Variants in PARD3B observed in about 807,000 individuals in gnomAD.
PARD3B encodes par-3 family cell polarity regulator beta.
Under a neutral mutation model 130.2 loss-of-function variants are expected in PARD3B, and 103 were observed. That is an observed-to-expected ratio of 0.79 (90% confidence interval 0.67 to 0.93). PARD3B has a LOEUF of 0.93. PARD3B is among the 40% of genes least tolerant of loss of function. The pLI, the probability that PARD3B is intolerant of heterozygous loss-of-function variation, is 0.00. For synonymous variants in PARD3B, 583 were observed against 553.2 expected (o/e 1.05, Z -0.76); for missense variants, 1,609 against 1,499.2 (o/e 1.07, Z -1.21).
chr2:205,318,214 A>T (rs759934789), intron 18 of PARD3B, among the ~76,000 whole-genome samples: 9 of 152,144 alleles, frequency 5.9e-5, no homozygotes, highest in Non-Finnish European at 1.2e-4. Context: ...TATAGTAAAA[A>T]ATCAATATCA....
rs546903322 is a variant in PARD3B at position 205,149,489 on chromosome 2, G to A, written c.1435-9233G>A. Reference sequence around the variant, plus strand: ...ATCCCACAGAGATCATACTTCCTCTGGAAAATTAGCTGCCATGTAACTAGA... The same window carrying A: ...ATCCCACAGAGATCATACTTCCTCTAGAAAATTAGCTGCCATGTAACTAGA... On this transcript the variant is annotated intron_variant, in intron 10 of 22. Transcript: ENST00000406610. Among the ~76,000 whole-genome samples, 6 of 152,236 alleles carry A rather than the reference G, an allele frequency of 3.9e-5. No individual in the cohort carries two copies. The East Asian group carries it at 1.2e-3, about 29-fold the overall frequency.
rs938112898 is a variant in PARD3B, at chr2:204,934,709, A to G, written c.223-30443A>G. Among the ~76,000 whole-genome samples, 70 of 152,160 alleles carry G rather than the reference A, an allele frequency of 4.6e-4. 5 individuals are homozygous for G. The highest frequency in any genetic ancestry group is 6.5e-5 in the Admixed American group (1 of 15,278). On this transcript the variant is annotated intron_variant, in intron 2 of 22. Coordinates refer to ENST00000406610, the MANE Select transcript of PARD3B (RefSeq NM_001302769.2). Reference sequence around the variant, plus strand: ...CCTTTACACACTAACATGTAAAACTAGATCTCTTGTCTGAACATTCCACAT... The same window carrying G: ...CCTTTACACACTAACATGTAAAACTGGATCTCTTGTCTGAACATTCCACAT...
In PARD3B at chr2:205,463,045, T is replaced by A. The variant is rs1297894450; in HGVS notation, c.3044+22373T>A. Among the ~76,000 whole-genome samples, 1 of 152,136 alleles carries A rather than the reference T, an allele frequency of 6.6e-6. No individual in the cohort carries two copies. The highest frequency in any genetic ancestry group is 2.4e-5 in the African/African-American group (1 of 41,434). ...ATCAGAGTCCTAGTTAGAGAAAAAG[T>A]CATCTCAGCATCAACTGACAATTAT... On this transcript the variant is annotated intron_variant, in intron 20 of 22. Coordinates refer to ENST00000406610, the MANE Select transcript of PARD3B (RefSeq NM_001302769.2). This position sits in a 1 kb window ranked among gnomAD's most constrained non-coding sequence, Gnocchi z 4.8.
At chr2:204,910,725 C>T (rs1357788787) in intron 2 of PARD3B, among the ~76,000 whole-genome samples, 1 of 152,046 alleles carries the variant, frequency 6.6e-6, no homozygotes, top group Non-Finnish European at 1.5e-5. Flanking sequence ...CTGCAAGCTC[C>T]GCCTCTCCCG....
rs888149685 is a variant in PARD3B, at chr2:204,808,065, C to G, written c.222+121783C>G. Among the ~76,000 whole-genome samples the G allele has an allele frequency of 1.1e-4, 17 of 151,988 alleles. No individual in the cohort carries two copies. In the East Asian group the frequency reaches 3.1e-3, roughly 28 times the overall value. On this transcript the variant is annotated intron_variant, in intron 2 of 22. Coordinates refer to ENST00000406610, the MANE Select transcript of PARD3B (RefSeq NM_001302769.2). ...ACATTGTATGCCTGTATCAAAGTAGCTCATGTACCCTATAAATATATATAT... is the reference window on the plus strand; with the variant it reads ...ACATTGTATGCCTGTATCAAAGTAGGTCATGTACCCTATAAATATATATAT...
rs567756645 is a variant in PARD3B at position 204,937,091 on chromosome 2, T to TG, written c.223-28055dup. Among the ~76,000 whole-genome samples, 54 of 152,336 alleles carry TG rather than the reference T, an allele frequency of 3.5e-4. 1 individual carries two copies. Among genetic ancestry groups the TG allele is most frequent in the Non-Finnish European group, 6.5e-4 (44 of 68,016 alleles). ...CAAGGTCACATGAACAAGAGCTCTT[T>TG]GGGGGGTCCCAATTATTCTTAATTG... On this transcript the variant is annotated intron_variant, in intron 2 of 22. Coordinates refer to ENST00000406610, the MANE Select transcript of PARD3B (RefSeq NM_001302769.2).
chr2:204,961,778 C>A (rs971447355), intron 2 of PARD3B, among the ~76,000 whole-genome samples: 2 of 152,076 alleles, frequency 1.3e-5, no homozygotes, highest in African/African-American at 4.8e-5. Context: ...TTTGAGAAGG[C>A]AGTAATCACC....
chr2:204,552,087 ACAGTT>A (rs1232377215), intron 1 of PARD3B, among the ~76,000 whole-genome samples: 2 of 152,222 alleles, frequency 1.3e-5, no homozygotes, highest in Non-Finnish European at 2.9e-5. Flanking sequence ...GCCTTAGTGG[ACAGTT>A]CAGATCCAAT....
chr2:204,721,476 A>C (rs1367621903), intron 2 of PARD3B, among the ~76,000 whole-genome samples: 1 of 152,164 alleles, frequency 6.6e-6, no homozygotes, highest in Non-Finnish European at 1.5e-5. Flanking sequence ...AAAGTTTTAT[A>C]GATTCAGTTA....
At chr2:205,177,763 C>G (rs2125765464) in intron 13 of PARD3B, among the ~76,000 whole-genome samples, 1 of 152,238 alleles carries the variant, frequency 6.6e-6, no homozygotes, top group Middle Eastern at 3.4e-3. Context: ...TGTTTACTGT[C>G]TGTTAGATAC....
At chr2:204,789,857 A>T (rs1472921355) in intron 2 of PARD3B, among the ~76,000 whole-genome samples, 1 of 145,668 alleles carries the variant, frequency 6.9e-6, no homozygotes, top group African/African-American at 2.7e-5. Context: ...GTGAAGGTGA[A>T]TTTTTAGTTT....
At chr2:204,656,232 T>C (rs1348832636) in intron 1 of PARD3B, among the ~76,000 whole-genome samples, 1 of 152,148 alleles carries the variant, frequency 6.6e-6, no homozygotes, top group East Asian at 1.9e-4. Context: ...AGATACATGG[T>C]GGGAAATAAC....
intron 2 of PARD3B, among the ~76,000 whole-genome samples, chr2:204,693,861 T>G (rs1052981761): frequency 6.6e-6 from 1 of 152,068 alleles, no homozygotes; most frequent in African/African-American, 2.4e-5. Context: ...TTATGTTGTA[T>G]TTTGTATTAT....
chr2:205,380,002 A>G (rs1220821859), intron 18 of PARD3B, among the ~76,000 whole-genome samples: 2 of 146,884 alleles, frequency 1.4e-5, no homozygotes, highest in African/African-American at 5.1e-5. Context: ...CAGAAGATGG[A>G]GGTTGCAGTG....
At chr2:205,235,334 A>C (rs1317546594) in intron 15 of PARD3B, among the ~76,000 whole-genome samples, 1 of 152,154 alleles carries the variant, frequency 6.6e-6, no homozygotes, top group Non-Finnish European at 1.5e-5. Context: ...ACGTGGGAGA[A>C]TCACCTGAGC....
chr2:204,937,588 A>C (rs1037238477), intron 2 of PARD3B, among the ~76,000 whole-genome samples: 3 of 152,054 alleles, frequency 2.0e-5, no homozygotes, highest in African/African-American at 7.2e-5. Flanking sequence ...ATATTTCTTG[A>C]TTCTTGAAAT....
In PARD3B at chr2:204,951,222, C is replaced by G. The variant is rs76245938; in HGVS notation, c.223-13930C>G. On this transcript the variant is annotated intron_variant, in intron 2 of 22. Coordinates refer to ENST00000406610, the MANE Select transcript of PARD3B (RefSeq NM_001302769.2). ...GTCCTTAACATTTTTAGAACAAGGTCTAGACATTTTCATTATACACTGGGC... is the reference window on the plus strand; with the variant it reads ...GTCCTTAACATTTTTAGAACAAGGTGTAGACATTTTCATTATACACTGGGC... Among the ~76,000 whole-genome samples the G allele has an allele frequency of 3.1e-3, 469 of 152,284 alleles. 5 individuals are homozygous for G. The highest frequency in any genetic ancestry group is 0.011 in the African/African-American group (437 of 41,568).
At chr2:204,698,773 G>A (rs1246513153) in intron 2 of PARD3B, among the ~76,000 whole-genome samples, 1 of 151,848 alleles carries the variant, frequency 6.6e-6, no homozygotes, top group Non-Finnish European at 1.5e-5. Flanking sequence ...TAACATAGAG[G>A]CCATTTTTCC....
At chr2:204,991,666 T>C (rs948310789) in intron 3 of PARD3B, among the ~76,000 whole-genome samples, 7 of 149,960 alleles carry the variant, frequency 4.7e-5, no homozygotes, top group African/African-American at 9.7e-5. Flanking sequence ...ACTTCCACAA[T>C]GGTTGAACTA....
Sources: allele counts gnomAD v4.1 joint callset (sites outside exome capture counted in the v4.1 genomes callset), GRCh38; gene constraint gnomAD v4.1.1; non-coding constraint Gnocchi (gnomAD v3.1); transcripts MANE v1.5; gene names NCBI Gene and HGNC (gene_info 2026-07-23, HGNC 2026-07-21).